The following PTPN21 variants were observed in gnomAD, a reference collection of about 807,000 sequenced individuals.
PTPN21 encodes protein tyrosine phosphatase non-receptor type 21, also known as tyrosine-protein phosphatase non-receptor type 21.
Under a neutral mutation model 131.8 loss-of-function variants are expected in PTPN21, and 77 were observed. The observed-to-expected ratio is 0.58, with a 90% CI of 0.49 to 0.71. PTPN21 has a LOEUF of 0.71. Ranked by LOEUF, PTPN21 falls within the 30% of genes least tolerant of loss-of-function variation. PTPN21 has a pLI of 0.00. For missense variants in PTPN21, 1,552 were observed against 1,527.1 expected, an observed-to-expected ratio of 1.02 and a Z score of -0.27; for synonymous variants, 715 against 621.3, an observed-to-expected ratio of 1.15 and a Z score of -2.24.
chr14:88,470,145 AAAAAAGT>A (rs1336280350), intron 15 of PTPN21, 95 bp from the exon 16 acceptor site: 20 of 1,230,686 alleles, frequency 1.6e-5, no homozygotes, highest in African/African-American at 4.6e-5. Context: ...AAGTTTTTTT[AAAAAAGT>A]AAAAAGTAAA....
In PTPN21 at chr14:88,472,448, T is replaced by C. The variant is rs760785975; in HGVS notation, c.2667A>G (p.Gln889=). 5.0e-6 allele frequency: 8 copies of C among 1,612,180 alleles called. No individual in the cohort carries two copies. The highest frequency in any genetic ancestry group is 2.7e-5 in the African/African-American group (2 of 74,920). The part of the protein sequence containing the change: ...TNDERCKILE[Q]RLEQGMVFTE... ...TGAATACCATTCCTTGTTCTAATCG[T>C]TGTTCCAGAATTTTACACTATAAAA... Residue 889 remains glutamine, a synonymous_variant, in exon 15 of 19, where the codon CAA becomes CAG. Transcript: ENST00000556564.
intron 2 of PTPN21, among the ~76,000 whole-genome samples, chr14:88,522,392 T>C (rs2078408350): frequency 7.6e-6 from 1 of 131,982 alleles, no homozygotes; most frequent in African/African-American, 2.9e-5. Flanking sequence ...ACTGTACCAC[T>C]GCACTCCAGC....
chr14:88,468,036 G>T lies in PTPN21; in HGVS notation c.*101C>A. On this transcript the variant is annotated 3_prime_UTR_variant, in exon 19 of 19. Coordinates refer to ENST00000556564, the MANE Select transcript of PTPN21 (RefSeq NM_007039.4). ...GCCACTTACGTCCCAGTGCCACGCT[G>T]CGTGGATCAAGTGTCAACGGGAAAG... 7.0e-7 allele frequency: 1 copy of T among 1,427,948 alleles called. No individual in the cohort carries two copies. The highest frequency in any genetic ancestry group is 9.8e-7 in the Non-Finnish European group (1 of 1,022,204). 88.5% of individuals were successfully genotyped at this position (1,427,948 alleles called of 1,614,324 possible).
intron 13 of PTPN21, among the ~76,000 whole-genome samples, chr14:88,477,446 T>TAAAAA (rs59381948): frequency 6.5e-5 from 5 of 76,374 alleles, no homozygotes; most frequent in African/African-American, 1.3e-4. Context: ...AAGACTGTTC[T>TAAAAA]AAAAAAAAAA....
intron 2 of PTPN21, among the ~76,000 whole-genome samples, chr14:88,548,790 T>A (rs1040859292): frequency 6.6e-6 from 1 of 152,180 alleles, no homozygotes; most frequent in Non-Finnish European, 1.5e-5. Flanking sequence ...GAGACCTTTC[T>A]TCACAGGCCT....
chr14:88,531,728 C>T (rs909050554), intron 2 of PTPN21, among the ~76,000 whole-genome samples: 3 of 151,878 alleles, frequency 2.0e-5, no homozygotes, highest in African/African-American at 7.3e-5. Flanking sequence ...AAACAAGAAC[C>T]AACCAAACCC....
At chr14:88,518,492 G>A (rs1186574202) in intron 2 of PTPN21, among the ~76,000 whole-genome samples, 10 of 117,574 alleles carry the variant, frequency 8.5e-5, no homozygotes, top group East Asian at 2.9e-4. Flanking sequence ...GTGCAGTGGC[G>A]CAATCTCAGC....
chr14:88,524,084 A>G (rs998822679), intron 2 of PTPN21, among the ~76,000 whole-genome samples: 2 of 152,214 alleles, frequency 1.3e-5, no homozygotes, highest in African/African-American at 2.4e-5. Context: ...TGCAATACCT[A>G]TCACAATCCC....
intron 2 of PTPN21, among the ~76,000 whole-genome samples, chr14:88,549,595 T>G (rs79032682): frequency 2.7e-5 from 4 of 147,078 alleles, no homozygotes; most frequent in East Asian, 2.0e-4. Context: ...GCCTGTCGTG[T>G]TTTTTTTATT....
rs767884403 is a variant in PTPN21 at position 88,479,595 on chromosome 14, G to A, written c.1836C>T (p.Pro612=). The A allele has an allele frequency of 3.8e-6, 6 of 1,588,462 alleles. No homozygotes were observed. Among genetic ancestry groups the A allele is most frequent in the East Asian group, 2.2e-5 (1 of 44,622 alleles). Residue 612 remains proline, a synonymous_variant, in exon 13 of 19, where the codon CCC becomes CCT. Transcript: ENST00000556564. ...TGACCTCCTGCAGCGAGTGCGCCAC[G>A]GGCAGGCTGTCCTCCTGGAACGTTT... ...SVQTFQEDSL[P]VAHSLQEVSE...
chr14:88,493,009 C>A (rs1403391672), intron 10 of PTPN21: 2 of 440,416 alleles, frequency 4.5e-6, no homozygotes, highest in Admixed American at 5.3e-5. Flanking sequence ...GCAGGAACTA[C>A]TCTAACAGGC....
At chr14:88,492,027 CAAA>C (rs11384622) in intron 10 of PTPN21, among the ~76,000 whole-genome samples, 5,587 of 141,080 alleles carry the variant, frequency 0.04, 350 homozygotes, top group African/African-American at 0.14. Flanking sequence ...TGTTAATTTG[CAAA>C]AAAAAAAACA....
intron 2 of PTPN21, among the ~76,000 whole-genome samples, chr14:88,533,686 CA>C (rs2078585314): frequency 6.6e-6 from 1 of 152,058 alleles, no homozygotes; most frequent in Admixed American, 6.6e-5. Flanking sequence ...AGTTCAAGAA[CA>C]GCCTGGGCAA....
intron 6 of PTPN21, among the ~76,000 whole-genome samples, chr14:88,502,857 G>A (rs893784493): frequency 6.6e-6 from 1 of 152,100 alleles, no homozygotes. Flanking sequence ...GCACGTGGAA[G>A]GAGAAGGAGA....
At chr14:88,494,361 G>T (rs2077870798) in intron 10 of PTPN21, among the ~76,000 whole-genome samples, 2 of 152,168 alleles carry the variant, frequency 1.3e-5, no homozygotes, top group Admixed American at 6.5e-5. Context: ...ACTGTGTATG[G>T]CCTCGTACTT....
In PTPN21 at chr14:88,496,395, T is replaced by C. The variant is rs772561111; in HGVS notation, c.932+18A>G. The C allele has an allele frequency of 1.2e-5, 19 of 1,578,160 alleles. 1 individual carries two copies. In the Middle Eastern group the frequency reaches 5.0e-4, roughly 42 times the overall value. ...AATTCATTATTTTTGATAATTTCCA[T>C]GAGCAGGACATACTTACAGGTTACA... is the stretch of plus-strand genomic sequence containing the variant. On this transcript the variant is annotated intron_variant, in intron 10 of 18. Transcript: ENST00000556564.
In PTPN21 at chr14:88,473,739, C is replaced by G. The variant is rs2077505892; in HGVS notation, c.2575G>C (p.Gly859Arg). 6.2e-7 allele frequency: 1 copy of G among 1,610,804 alleles called. No homozygotes were observed. The highest frequency in any genetic ancestry group is 8.5e-7 in the Non-Finnish European group (1 of 1,179,370). ...IGPLKLAALN[G>R]LSLSRVPLPD... ...AGAGGCACTCGAGATAGGGAGAGTC[C>G]ATTTAGGGCAGCCAGTTTAAGAGGA... Residue 859 changes from glycine to arginine, a missense_variant, in exon 14 of 19, where the codon GGA becomes CGA. Transcript: ENST00000556564.
At chr14:88,525,083 AAAT>A (rs1185308887) in intron 2 of PTPN21, among the ~76,000 whole-genome samples, 1 of 150,196 alleles carries the variant, frequency 6.7e-6, no homozygotes, top group African/African-American at 2.5e-5. Context: ...CCTCTACAAA[AAAT>A]AAAATTAGCT....
In PTPN21 at chr14:88,505,386, A is replaced by AATATATATATAGATAAATATAATT. The variant is rs746158607; in HGVS notation, c.449-16_449-15insAATTATATTTATCTATATATATAT. 1.3e-6 allele frequency: 2 copies of AATATATATATAGATAAATATAATT among 1,554,584 alleles called. No individual in the cohort carries two copies. Among genetic ancestry groups the AATATATATATAGATAAATATAATT allele is most frequent in the Non-Finnish European group, 1.8e-6 (2 of 1,133,348 alleles). ...ACCAAAATCCGCTATATAGAATGACAAACATTCACGTTAATTATATTTAAA... is the reference window on the plus strand; with the variant it reads ...ACCAAAATCCGCTATATAGAATGACAATATATATATAGATAAATATAATTAACATTCACGTTAATTATATTTAAA... On this transcript the variant is annotated splice_polypyrimidine_tract_variant and intron_variant, in intron 4 of 18. Coordinates refer to ENST00000556564, the MANE Select transcript of PTPN21 (RefSeq NM_007039.4).
Sources: gnomAD v4.1 joint callset for allele counts (sites outside exome capture counted in the v4.1 genomes callset) on GRCh38, gnomAD v4.1.1 for gene constraint, MANE v1.5 for transcripts, NCBI Gene and HGNC (gene_info 2026-07-23, HGNC 2026-07-21) for gene names.